The following AFG2B variants were observed in gnomAD, a reference collection of about 807,000 sequenced individuals.
The protein encoded by AFG2B is AAA ATPase AFG2B, also known as ATPase family gene 2 protein homolog B.
chr15:45,406,021 G>A, the AFG2B span, among the ~76,000 whole-genome samples: 71 of 152,022 alleles, frequency 4.7e-4, no homozygotes, highest in South Asian at 1.0e-3. Flanking sequence ...CTTTACCCGC[G>A]AAAACGTAAG....
the AFG2B span, chr15:45,403,357 C>T: frequency 6.2e-7 from 1 of 1,609,594 alleles, no homozygotes; most frequent in Admixed American, 1.7e-5. Context: ...CGCCTTGTGT[C>T]CCCAGCGGGG....
the AFG2B span, among the ~76,000 whole-genome samples, chr15:45,419,994 C>A: frequency 4.8e-4 from 46 of 95,962 alleles, 4 homozygotes; most frequent in African/African-American, 2.5e-3. Flanking sequence ...TGTCCCCCCC[C>A]CCCAAAAAAA....
the AFG2B span, chr15:45,415,464 C>T: frequency 1.2e-6 from 1 of 843,192 alleles, no homozygotes; most frequent in East Asian, 2.7e-5. Context: ...CATCACTACA[C>T]TCCAAACTGA....
chr15:45,415,495 C>CAAA, the AFG2B span: 2,649 of 834,094 alleles, frequency 3.2e-3, no homozygotes, highest in East Asian at 6.2e-3. Flanking sequence ...AAGACTGTCT[C>CAAA]AAAAAAAAAA....
the AFG2B span, chr15:45,403,431 G>A: frequency 6.2e-7 from 1 of 1,609,634 alleles, no homozygotes; most frequent in Non-Finnish European, 8.5e-7. Context: ...GCGCCAGTGG[G>A]GACCGCGAGG....
chr15:45,417,283 T>A, the AFG2B span: 1 of 1,613,946 alleles, frequency 6.2e-7, no homozygotes, highest in Admixed American at 1.7e-5. Context: ...TCAAGAAGTT[T>A]TTAACCGAAG....
chr15:45,403,412 T>C, the AFG2B span: 1 of 1,610,288 alleles, frequency 6.2e-7, no homozygotes, highest in Non-Finnish European at 8.5e-7. Context: ...GTGTTGACGC[T>C]GCTGGACGGC....
At chr15:45,404,644 T>C in the AFG2B span, among the ~76,000 whole-genome samples, 2 of 151,670 alleles carry the variant, frequency 1.3e-5, no homozygotes, top group Non-Finnish European at 2.9e-5. Flanking sequence ...CCGTCTCTGC[T>C]AAAAATACAA....
chr15:45,402,343 T>C, the AFG2B span: 1 of 1,532,192 alleles, frequency 6.5e-7, no homozygotes, highest in Non-Finnish European at 8.7e-7. Context: ...CGCAATCTGC[T>C]TCCGGCCTGC....
At chr15:45,415,891 A>G in the AFG2B span, 1 of 974,706 alleles carries the variant, frequency 1.0e-6, no homozygotes, top group Admixed American at 3.0e-5. Flanking sequence ...CCTATGCTGA[A>G]TTCATCTCAT....
At chr15:45,406,686 CAG>C in the AFG2B span, among the ~76,000 whole-genome samples, 1 of 152,346 alleles carries the variant, frequency 6.6e-6, no homozygotes, top group African/African-American at 2.4e-5. Context: ...GATTCTGAAA[CAG>C]AGTTTTCAAT....
At chr15:45,403,385 G>C in the AFG2B span, 7 of 1,611,414 alleles carry the variant, frequency 4.3e-6, no homozygotes, top group Middle Eastern at 3.3e-4. Flanking sequence ...GCACCCGAGA[G>C]CCGCGTAGTG....
the AFG2B span, among the ~76,000 whole-genome samples, chr15:45,411,969 A>G: frequency 6.6e-6 from 1 of 151,986 alleles, no homozygotes; most frequent in African/African-American, 2.4e-5. Context: ...GTGGTGGCGC[A>G]TGCCTGTAAT....
chr15:45,415,974 G>GA, the AFG2B span: 1 of 452,128 alleles, frequency 2.2e-6, no homozygotes, highest in Admixed American at 3.9e-5. Context: ...ATTTGGCTAG[G>GA]AAAGGTGAGG....
the AFG2B span, among the ~76,000 whole-genome samples, chr15:45,419,989 C>CCCG: frequency 1.0e-5 from 1 of 98,388 alleles, no homozygotes; most frequent in East Asian, 5.6e-4. Context: ...GACTCTGTCC[C>CCCG]CCCCCCCCAA....
the AFG2B span, among the ~76,000 whole-genome samples, chr15:45,418,343 C>CAAAAAA: frequency 1.9e-5 from 1 of 52,552 alleles, no homozygotes; most frequent in African/African-American, 6.1e-5. Flanking sequence ...GACTCCATCT[C>CAAAAAA]AAAAAAAAAA....
chr15:45,409,254 T>C, the AFG2B span, among the ~76,000 whole-genome samples: 1 of 150,752 alleles, frequency 6.6e-6, no homozygotes, highest in Non-Finnish European at 1.5e-5. Context: ...CTCATGCCTA[T>C]AAATCCCAGC....
the AFG2B span, chr15:45,403,201 G>T: frequency 6.8e-7 from 1 of 1,471,968 alleles, no homozygotes; most frequent in Non-Finnish European, 8.9e-7. Flanking sequence ...GGCGCGCGAG[G>T]CGGGCGCGGA....
chr15:45,411,569 G>A, the AFG2B span, among the ~76,000 whole-genome samples: 5 of 152,076 alleles, frequency 3.3e-5, no homozygotes, highest in Admixed American at 6.6e-5. Context: ...CCTCCAACTC[G>A]GCCTCCTAAA....
Sources: gnomAD v4.1 joint callset for allele counts (sites outside exome capture counted in the v4.1 genomes callset) on GRCh38, gnomAD v4.1.1 for gene constraint, MANE v1.5 for transcripts, NCBI Gene and HGNC (gene_info 2026-07-23, HGNC 2026-07-21) for gene names.